Variants in CNTN5 observed in about 807,000 individuals in gnomAD.
The protein encoded by CNTN5 is contactin 5, also known as contactin-5.
CNTN5 carries 77 observed loss-of-function variants against 129.1 expected under a neutral mutation model. The ratio of observed to expected loss-of-function variants is 0.60; its 90% confidence interval spans 0.50 to 0.72. The LOEUF (loss-of-function observed/expected upper bound fraction) is 0.72, where lower values mean the gene tolerates loss of function less well. Ranked by LOEUF, CNTN5 falls within the 30% of genes least tolerant of loss-of-function variation. The pLI is 0.00. For missense variants in CNTN5, 1,478 were observed against 1,328.8 expected (o/e 1.11, Z -1.75); for synonymous variants, 509 against 465.6 (o/e 1.09, Z -1.20).
chr11:99,623,503 T>G (rs1951023880), intron 3 of CNTN5, among the ~76,000 whole-genome samples: 1 of 152,112 alleles, frequency 6.6e-6, no homozygotes, highest in Non-Finnish European at 1.5e-5. Context: ...ACAGTGTATC[T>G]AAGAAAATTG....
At chr11:99,432,474 T>TCTTTTCTTTTCTTTTC (rs1565577646) in intron 2 of CNTN5, among the ~76,000 whole-genome samples, 1 of 138,038 alleles carries the variant, frequency 7.2e-6, no homozygotes, top group African/African-American at 2.7e-5. Flanking sequence ...CCTTTTCTTT[T>TCTTTTCTTTTCTTTTC]CTTTTCTTTT....
In CNTN5 at chr11:99,608,820, CA is replaced by C. The variant is rs143036744; in HGVS notation, c.55+52553del. Among the ~76,000 whole-genome samples the C allele has an allele frequency of 4.2e-3, 638 of 152,226 alleles. 24 individuals carry two copies. The East Asian group carries it at 0.1, about 24-fold the overall frequency. ...CACATATGTATGTAGATTATTATGA[CA>C]AGAACAATGTGTGTCTATATGAGTT... On this transcript the variant is annotated intron_variant, in intron 3 of 24. Transcript: ENST00000524871.
intron 1 of CNTN5, among the ~76,000 whole-genome samples, chr11:99,025,426 G>A (rs1445187612): frequency 2.0e-5 from 3 of 151,816 alleles, no homozygotes; most frequent in Non-Finnish European, 1.5e-5. Context: ...TTTTATGAAG[G>A]GCGTAGAGAT....
chr11:99,030,086 C>T (rs1004257378), intron 1 of CNTN5, among the ~76,000 whole-genome samples: 3 of 152,090 alleles, frequency 2.0e-5, no homozygotes, highest in African/African-American at 7.2e-5. Flanking sequence ...AGAGCATGGG[C>T]TTCTTAGACT....
At chr11:99,871,081 T>C (rs1168749061) in intron 6 of CNTN5, among the ~76,000 whole-genome samples, 1 of 152,046 alleles carries the variant, frequency 6.6e-6, no homozygotes, top group African/African-American at 2.4e-5. Flanking sequence ...AAACCAATCT[T>C]AGTTATTGAA....
At chr11:100,310,585 G>A (rs1951451123) in intron 21 of CNTN5, among the ~76,000 whole-genome samples, 1 of 151,838 alleles carries the variant, frequency 6.6e-6, no homozygotes, top group African/African-American at 2.4e-5. Flanking sequence ...TATTGTAGTA[G>A]GGAAGGCACA....
rs537007506 is a variant in CNTN5, at chr11:99,850,838, A to G, written c.577+5576A>G. ...GCACACCCAACACTTCCTCAAAGAAACAAATCTACTCTTGACAAATTTTCA... is the reference window on the plus strand; with the variant it reads ...GCACACCCAACACTTCCTCAAAGAAGCAAATCTACTCTTGACAAATTTTCA... On this transcript the variant is annotated intron_variant, in intron 6 of 24. Coordinates refer to ENST00000524871, the MANE Select transcript of CNTN5 (RefSeq NM_014361.4). Among the ~76,000 whole-genome samples the G allele has an allele frequency of 3.9e-5, 6 of 152,282 alleles. No individual in the cohort carries two copies. The East Asian group carries it at 1.2e-3, about 29-fold the overall frequency.
intron 1 of CNTN5, among the ~76,000 whole-genome samples, chr11:99,167,588 G>A (rs1487341423): frequency 2.6e-5 from 4 of 151,982 alleles, no homozygotes; most frequent in Non-Finnish European, 5.9e-5. Flanking sequence ...TCTCATATGA[G>A]GCAAAACCAA....
At chr11:99,114,088 C>A (rs945227924) in intron 1 of CNTN5, among the ~76,000 whole-genome samples, 4 of 152,030 alleles carry the variant, frequency 2.6e-5, no homozygotes, top group Non-Finnish European at 5.9e-5. Flanking sequence ...TTTATCTGTA[C>A]AAGGGATGAT....
At chr11:99,369,330 G>A (rs1230495723) in intron 2 of CNTN5, among the ~76,000 whole-genome samples, 1 of 140,990 alleles carries the variant, frequency 7.1e-6, no homozygotes, top group Non-Finnish European at 1.6e-5. Context: ...GTAACATTTA[G>A]TTAAGCTGAA....
intron 1 of CNTN5, among the ~76,000 whole-genome samples, chr11:99,283,734 A>T (rs1296080651): frequency 6.6e-6 from 1 of 152,160 alleles, no homozygotes; most frequent in African/African-American, 2.4e-5. Flanking sequence ...TAAAAAAAAG[A>T]GTAGCTTTGC....
intron 1 of CNTN5, among the ~76,000 whole-genome samples, chr11:99,209,867 T>C (rs951566193): frequency 3.9e-5 from 6 of 152,162 alleles, no homozygotes; most frequent in East Asian, 1.9e-4. Context: ...CATAGTACCA[T>C]GCATCTAAAA....
At chr11:99,514,061 A>G (rs1257496575) in intron 2 of CNTN5, among the ~76,000 whole-genome samples, 1 of 152,148 alleles carries the variant, frequency 6.6e-6, no homozygotes. Context: ...TATGAACATT[A>G]ACAAGGGGTT....
intron 2 of CNTN5, among the ~76,000 whole-genome samples, chr11:99,553,508 C>G (rs945020184): frequency 4.6e-5 from 7 of 151,854 alleles, no homozygotes; most frequent in Admixed American, 1.3e-4. Context: ...ATTTCAGAAT[C>G]TTAAATATTA....
At chr11:100,280,064 C>A (rs960592007) in intron 18 of CNTN5, among the ~76,000 whole-genome samples, 7 of 151,526 alleles carry the variant, frequency 4.6e-5, no homozygotes, top group African/African-American at 1.7e-4. Context: ...TCTTCATTGA[C>A]CCATGGGTCA....
At chr11:99,606,856 C>A (rs912590772) in intron 3 of CNTN5, among the ~76,000 whole-genome samples, 7 of 136,328 alleles carry the variant, frequency 5.1e-5, no homozygotes, top group African/African-American at 1.6e-4. Flanking sequence ...GAAAGGATTC[C>A]CTATTTAATA....
At chr11:99,601,548 C>G (rs1197799702) in intron 3 of CNTN5, among the ~76,000 whole-genome samples, 2 of 152,194 alleles carry the variant, frequency 1.3e-5, no homozygotes, top group Non-Finnish European at 2.9e-5. Context: ...TCAAAGTACT[C>G]CACAGGGATT....
chr11:99,419,646 A>G (rs1375480089), intron 2 of CNTN5, among the ~76,000 whole-genome samples: 1 of 152,104 alleles, frequency 6.6e-6, no homozygotes. Flanking sequence ...CCCAATTTTT[A>G]AATAGTATCT....
intron 13 of CNTN5, among the ~76,000 whole-genome samples, chr11:100,109,219 C>T (rs916225646): frequency 6.6e-6 from 1 of 152,108 alleles, no homozygotes; most frequent in Admixed American, 6.5e-5. Context: ...CGAAGTCAGG[C>T]ATTCGAGACC....
Sources: gnomAD v4.1 joint callset for allele counts (sites outside exome capture counted in the v4.1 genomes callset) on GRCh38, gnomAD v4.1.1 for gene constraint, MANE v1.5 for transcripts, NCBI Gene and HGNC (gene_info 2026-07-23, HGNC 2026-07-21) for gene names.